Variants in CNTN5 observed in about 807,000 individuals in gnomAD.
CNTN5 encodes contactin 5.
CNTN5 carries 77 observed loss-of-function variants against 129.1 expected under a neutral mutation model. That is an observed-to-expected ratio of 0.60 (90% CI 0.50 to 0.72). The LOEUF (loss-of-function observed/expected upper bound fraction) is 0.72. CNTN5 is among the 30% of genes least tolerant of loss of function. The pLI, the probability that CNTN5 is intolerant of heterozygous loss-of-function variation, is 0.00. For synonymous variants in CNTN5, 509 were observed against 465.6 expected (o/e 1.09, Z -1.20); for missense variants, 1,478 against 1,328.8 (o/e 1.11, Z -1.75).
chr11:100,004,034 A>G (rs1940042705), intron 9 of CNTN5: 1 of 152,186 alleles, frequency 6.6e-6, no homozygotes, highest in Non-Finnish European at 1.5e-5. Flanking sequence ...TGTGGTGTGG[A>G]TCACCATTTC....
Position 100,158,242 on chromosome 11 carries a change from T to TACTGGAAA in CNTN5, c.1581-32883_1581-32876dup, listed in dbSNP as rs557429881. On this transcript the variant is annotated intron_variant, in intron 13 of 24. Coordinates refer to ENST00000524871, the MANE Select transcript of CNTN5 (RefSeq NM_014361.4). ...CAAAACGAACAAAATGGATCAGGGTTACTGGAAATGGAGAGTTGTTGGTCA... is the reference window on the plus strand; with the variant it reads ...CAAAACGAACAAAATGGATCAGGGTTACTGGAAAACTGGAAATGGAGAGTTGTTGGTCA... 2.0e-5 allele frequency among the ~76,000 whole-genome samples: 3 copies of TACTGGAAA among 151,952 alleles called. No homozygotes were observed. The South Asian group carries it at 6.2e-4, about 32-fold the overall frequency.
At chr11:99,040,548 T>C (rs1310661168) in intron 1 of CNTN5, among the ~76,000 whole-genome samples, 3 of 152,088 alleles carry the variant, frequency 2.0e-5, no homozygotes, top group East Asian at 1.9e-4. Context: ...ACATGAGATA[T>C]AAATTCAAAG....
At chr11:99,579,750 T>A (rs1338617950) in intron 3 of CNTN5, among the ~76,000 whole-genome samples, 1 of 149,654 alleles carries the variant, frequency 6.7e-6, no homozygotes, top group Admixed American at 6.7e-5. Context: ...TGGGGTTTTC[T>A]AGATATACAA....
chr11:99,121,289 C>T (rs1351891393), intron 1 of CNTN5, among the ~76,000 whole-genome samples: 1 of 152,060 alleles, frequency 6.6e-6, no homozygotes, highest in Non-Finnish European at 1.5e-5. Context: ...CACTCACCAC[C>T]ATGCCCAGCT....
At chr11:99,076,316 G>A (rs1170028951) in intron 1 of CNTN5, among the ~76,000 whole-genome samples, 3 of 151,854 alleles carry the variant, frequency 2.0e-5, no homozygotes, top group African/African-American at 7.2e-5. Context: ...GTGACAGAGG[G>A]AGGCCCTTCT....
chr11:99,038,831 C>T (rs1043400934), intron 1 of CNTN5, among the ~76,000 whole-genome samples: 1 of 151,474 alleles, frequency 6.6e-6, no homozygotes, highest in Non-Finnish European at 1.5e-5. Flanking sequence ...ATGTATTATT[C>T]ATTTTATAAT....
chr11:99,818,910 T>C (rs184336620), intron 3 of CNTN5, among the ~76,000 whole-genome samples: 1 of 152,226 alleles, frequency 6.6e-6, no homozygotes, highest in African/African-American at 2.4e-5. Context: ...TAAATTTCAT[T>C]CATTTTTTTA....
rs1156734252 is a variant in CNTN5, at chr11:99,737,131, GCACACACACACAAACACACACA to G, written c.56-82403_56-82382del. ...TCTTTAACCACCCTGTAACACACAT[GCACACACACACAAACACACACA>G]CACACACACGCACACGCACACACAG... On this transcript the variant is annotated intron_variant, in intron 3 of 24. Coordinates refer to ENST00000524871, the MANE Select transcript of CNTN5 (RefSeq NM_014361.4). Among the ~76,000 whole-genome samples the G allele has an allele frequency of 2.7e-3, 402 of 149,854 alleles. 2 individuals carry two copies. Among genetic ancestry groups the G allele is most frequent in the African/African-American group, 9.5e-3 (380 of 40,148 alleles).
intron 21 of CNTN5, chr11:100,308,772 TAA>T: frequency 9.9e-7 from 1 of 1,011,530 alleles, no homozygotes; most frequent in Non-Finnish European, 1.2e-6. Context: ...CTGGTCATTT[TAA>T]AAGTTTTTGT....
intron 2 of CNTN5, among the ~76,000 whole-genome samples, chr11:99,515,304 A>C (rs1947005415): frequency 6.6e-6 from 1 of 152,126 alleles, no homozygotes; most frequent in South Asian, 2.1e-4. Flanking sequence ...TATATGCAAA[A>C]TTAGAATTGA....
intron 21 of CNTN5, chr11:100,309,568 T>G: frequency 1.0e-6 from 1 of 982,856 alleles, no homozygotes; most frequent in Non-Finnish European, 1.2e-6. Context: ...TGATTGCATG[T>G]TTAATGTGAT....
At chr11:100,091,291 C>T (rs533004693) in intron 13 of CNTN5, among the ~76,000 whole-genome samples, 16 of 151,952 alleles carry the variant, frequency 1.1e-4, no homozygotes, top group African/African-American at 3.4e-4. Context: ...GTTACCTTCT[C>T]GGAGGCCTTC....
intron 3 of CNTN5, among the ~76,000 whole-genome samples, chr11:99,593,793 T>C (rs1168798434): frequency 6.6e-6 from 1 of 152,220 alleles, no homozygotes; most frequent in Non-Finnish European, 1.5e-5. Flanking sequence ...AATGTGTAAC[T>C]TCTGCCAGAT....
At chr11:100,288,093 C>G (rs1280735886) in intron 18 of CNTN5, among the ~76,000 whole-genome samples, 4 of 152,020 alleles carry the variant, frequency 2.6e-5, no homozygotes, top group Non-Finnish European at 5.9e-5. Flanking sequence ...TACAGGAGCA[C>G]CCAGATTCAT....
chr11:100,151,668 C>G (rs896649643), intron 13 of CNTN5, among the ~76,000 whole-genome samples: 1 of 152,174 alleles, frequency 6.6e-6, no homozygotes, highest in Non-Finnish European at 1.5e-5. Flanking sequence ...TCTATTCCCG[C>G]TCTACCTATT....
chr11:99,651,079 A>G (rs1422577655), intron 3 of CNTN5, among the ~76,000 whole-genome samples: 1 of 151,982 alleles, frequency 6.6e-6, no homozygotes, highest in East Asian at 1.9e-4. Context: ...TTTAACATGC[A>G]CAATCAAGAT....
intron 1 of CNTN5, among the ~76,000 whole-genome samples, chr11:99,091,385 T>G (rs1866243617): frequency 1.3e-5 from 2 of 152,180 alleles, no homozygotes; most frequent in African/African-American, 4.8e-5. Context: ...CTGGTGCTAG[T>G]TTTGCTTTGG....
intron 2 of CNTN5, among the ~76,000 whole-genome samples, chr11:99,481,578 T>A (rs1185888029): frequency 6.6e-6 from 1 of 152,186 alleles, no homozygotes; most frequent in Non-Finnish European, 1.5e-5. Context: ...AGTAAAATAT[T>A]AAAACAACTT....
chr11:100,285,999 G>C (rs549334899), intron 18 of CNTN5, among the ~76,000 whole-genome samples: 15 of 151,542 alleles, frequency 9.9e-5, no homozygotes, highest in Non-Finnish European at 1.5e-4. Context: ...GGTGACAGAC[G>C]CACCTGGAAA....
Sources: allele counts gnomAD v4.1 joint callset (sites outside exome capture counted in the v4.1 genomes callset), GRCh38; gene constraint gnomAD v4.1.1; transcripts MANE v1.5; gene names NCBI Gene and HGNC (gene_info 2026-07-23, HGNC 2026-07-21).